The following F13A1 variants were observed in gnomAD, a reference collection of about 807,000 sequenced individuals.
F13A1 encodes the protein coagulation factor XIII A chain, also known as FSF, A subunit.
In F13A1, 47 loss-of-function variants were observed where a neutral mutation model predicts 80.1. The observed-to-expected ratio is 0.59, with a 90% confidence interval of 0.46 to 0.75. The LOEUF is 0.75. Ranked by LOEUF, F13A1 falls within the 30% of genes least tolerant of loss-of-function variation. The pLI, the probability that F13A1 is intolerant of heterozygous loss-of-function variation, is 0.00. For missense variants in F13A1, 817 were observed against 930.4 expected (o/e 0.88, Z 1.59); for synonymous variants, 349 against 344.9 (o/e 1.01, Z -0.13).
rs180864346 is a variant in F13A1, at chr6:6,192,591, A to T, written c.1305+3206T>A. Among the ~76,000 whole-genome samples the T allele has an allele frequency of 1.7e-3, 263 of 152,370 alleles. 1 individual carries two copies. The highest frequency in any genetic ancestry group is 6.1e-3 in the African/African-American group (255 of 41,588). On this transcript the variant is annotated intron_variant, in intron 10 of 14. Coordinates refer to ENST00000264870, the MANE Select transcript of F13A1 (RefSeq NM_000129.4). Reference sequence around the variant, plus strand: ...AGGAGATGCCAAAAAAATAGGCTGCATCTGATAAGATAGTAGCAAAATAAA... The same window carrying T: ...AGGAGATGCCAAAAAAATAGGCTGCTTCTGATAAGATAGTAGCAAAATAAA...
At chr6:6,216,252 C>T (rs1210283028) in intron 8 of F13A1, among the ~76,000 whole-genome samples, 1 of 152,084 alleles carries the variant, frequency 6.6e-6, no homozygotes, top group South Asian at 2.1e-4. Flanking sequence ...AAGCTGGAGG[C>T]ATCACACTAC....
intron 12 of F13A1, among the ~76,000 whole-genome samples, chr6:6,173,489 C>A (rs932866503): frequency 6.6e-6 from 1 of 150,504 alleles, no homozygotes; most frequent in African/African-American, 2.5e-5. Flanking sequence ...CTCACTGCAA[C>A]CTCCGCCTCC....
intron 4 of F13A1, among the ~76,000 whole-genome samples, chr6:6,263,918 A>T (rs1300870488): frequency 6.6e-6 from 1 of 152,166 alleles, no homozygotes; most frequent in South Asian, 2.1e-4. Context: ...TTAGTTTATC[A>T]TCATCTTTGT....
chr6:6,158,898 T>C (rs895146672), intron 13 of F13A1, among the ~76,000 whole-genome samples: 4 of 118,750 alleles, frequency 3.4e-5, no homozygotes, highest in Admixed American at 2.5e-4. Flanking sequence ...TTCCCCTTTT[T>C]TTCTTTCTTT....
intron 12 of F13A1, among the ~76,000 whole-genome samples, chr6:6,168,332 G>A (rs1292564592): frequency 2.0e-5 from 3 of 152,234 alleles, no homozygotes; most frequent in Admixed American, 1.3e-4. Flanking sequence ...AAGATGGAGA[G>A]TGGTCCTGGC....
intron 12 of F13A1, among the ~76,000 whole-genome samples, chr6:6,171,024 C>T (rs148328104): frequency 2.6e-5 from 4 of 151,960 alleles, no homozygotes; most frequent in East Asian, 1.9e-4. Context: ...GTCCCTAGGT[C>T]GATGACTGAG....
chr6:6,172,206 A>G (rs1340041693), intron 12 of F13A1, among the ~76,000 whole-genome samples: 2 of 152,178 alleles, frequency 1.3e-5, no homozygotes, highest in Non-Finnish European at 2.9e-5. Flanking sequence ...GAGACAGCTC[A>G]GAGTGCTTAA....
intron 8 of F13A1, 89 bp from the exon 9 acceptor site, chr6:6,197,415 C>T (rs2151082705): frequency 7.9e-7 from 1 of 1,269,654 alleles, no homozygotes; most frequent in South Asian, 1.2e-5. Context: ...CACAGTGGCT[C>T]ATGCCTGTAA....
At chr6:6,289,725 G>A (rs1426220313) in intron 3 of F13A1, among the ~76,000 whole-genome samples, 1 of 151,994 alleles carries the variant, frequency 6.6e-6, no homozygotes, top group African/African-American at 2.4e-5. Context: ...GAGGCTTCTG[G>A]CTGTTTATAG....
chr6:6,154,553 A>G (rs1760441567), intron 13 of F13A1, among the ~76,000 whole-genome samples: 1 of 152,196 alleles, frequency 6.6e-6, no homozygotes, highest in African/African-American at 2.4e-5. Flanking sequence ...AAGTGTCTCC[A>G]GCAATTGCCA....
At chr6:6,165,833 C>T (rs987658932) in intron 13 of F13A1, among the ~76,000 whole-genome samples, 3 of 152,270 alleles carry the variant, frequency 2.0e-5, no homozygotes, top group African/African-American at 7.2e-5. Context: ...GCCAACCCTG[C>T]ACAGCCTCGT....
At chr6:6,173,501 G>A (rs1025120629) in intron 12 of F13A1, among the ~76,000 whole-genome samples, 21 of 149,596 alleles carry the variant, frequency 1.4e-4, no homozygotes, top group African/African-American at 4.0e-4. Flanking sequence ...TCCGCCTCCC[G>A]GGTTCGAGCA....
At chr6:6,290,657 G>T (rs1439880943) in intron 3 of F13A1, among the ~76,000 whole-genome samples, 1 of 152,122 alleles carries the variant, frequency 6.6e-6, no homozygotes, top group African/African-American at 2.4e-5. Flanking sequence ...CACATGACAG[G>T]TGTTCATAGA....
intron 11 of F13A1, among the ~76,000 whole-genome samples, chr6:6,181,427 A>G (rs1760984042): frequency 6.6e-6 from 1 of 152,220 alleles, no homozygotes; most frequent in Admixed American, 6.5e-5. Flanking sequence ...CATTCTATGC[A>G]ATAAAAGTTA....
At chr6:6,251,718 G>A (rs1757635536) in intron 4 of F13A1, among the ~76,000 whole-genome samples, 1 of 152,108 alleles carries the variant, frequency 6.6e-6, no homozygotes, top group Non-Finnish European at 1.5e-5. Flanking sequence ...TCTACCTCAA[G>A]GTAACGAAAT....
At chr6:6,260,529 T>C (rs1286412360) in intron 4 of F13A1, among the ~76,000 whole-genome samples, 1 of 152,198 alleles carries the variant, frequency 6.6e-6, no homozygotes, top group Non-Finnish European at 1.5e-5. Context: ...TGTTATGCAT[T>C]AACACACACA....
Position 6,145,436 on chromosome 6 carries a change from C to T in F13A1, c.*183G>A, listed in dbSNP as rs1431237286. On this transcript the variant is annotated 3_prime_UTR_variant, in exon 15 of 15. Coordinates refer to ENST00000264870, the MANE Select transcript of F13A1 (RefSeq NM_000129.4). ...AGAGATTAAAAACTAACTTCCTTGCCGAATAGCCTGGGTTTGGAAAAGCAT... is the reference window on the plus strand; with the variant it reads ...AGAGATTAAAAACTAACTTCCTTGCTGAATAGCCTGGGTTTGGAAAAGCAT... The T allele has an allele frequency of 2.5e-5, 18 of 727,722 alleles. No individual in the cohort carries two copies. The highest frequency in any genetic ancestry group is 1.8e-4 in the Admixed American group (8 of 45,534). The allele number at this position is 727,722 out of a possible 1,614,324, so 45.1% of individuals were successfully genotyped here. A position where few individuals can be genotyped will look rare whatever the true frequency, so the allele number is the denominator to read the frequency against.
chr6:6,238,204 A>G (rs187655084), intron 6 of F13A1, among the ~76,000 whole-genome samples: 169 of 152,240 alleles, frequency 1.1e-3, no homozygotes, highest in African/African-American at 4.0e-3. Flanking sequence ...AAGCAATTCA[A>G]TGAAGAAAAT....
At chr6:6,267,102 T>C (rs1757856124) in intron 3 of F13A1, among the ~76,000 whole-genome samples, 1 of 152,204 alleles carries the variant, frequency 6.6e-6, no homozygotes, top group Non-Finnish European at 1.5e-5. Flanking sequence ...TTCAAAGATC[T>C]TTAAAAGAGT....
Sources: gnomAD v4.1 joint callset for allele counts (sites outside exome capture counted in the v4.1 genomes callset) on GRCh38, gnomAD v4.1.1 for gene constraint, MANE v1.5 for transcripts, NCBI Gene and HGNC (gene_info 2026-07-23, HGNC 2026-07-21) for gene names.